SLC38A6: variants seen among roughly 807,000 people sequenced by gnomAD.
The protein encoded by SLC38A6 is solute carrier family 38 member 6.
Under a neutral mutation model 65.0 loss-of-function variants are expected in SLC38A6, and 73 were observed. The ratio of observed to expected loss-of-function variants is 1.12; its 90% confidence interval spans 0.93 to 1.37. The LOEUF is 1.37. Ranked by LOEUF, SLC38A6 falls within the 40% of genes most tolerant of loss-of-function variation. SLC38A6 has a pLI of 0.00. For missense variants in SLC38A6, 561 were observed against 531.1 expected (o/e 1.06, Z -0.55); for synonymous variants, 183 against 178.8 (o/e 1.02, Z -0.19).
chr14:61,035,548 A>G (rs1292053979), intron 6 of SLC38A6, among the ~76,000 whole-genome samples: 2 of 152,174 alleles, frequency 1.3e-5, no homozygotes, highest in Non-Finnish European at 2.9e-5. Flanking sequence ...GATTGCCACT[A>G]CATTTTTATT....
chr14:61,031,434 C>T (rs74057329), intron 6 of SLC38A6, among the ~76,000 whole-genome samples: 1 of 152,188 alleles, frequency 6.6e-6, no homozygotes, highest in African/African-American at 2.4e-5. Context: ...ACTTAGACAA[C>T]TGCAAATACA....
chr14:61,081,544 G>C (rs894586300), intron 16 of SLC38A6, among the ~76,000 whole-genome samples: 2 of 152,064 alleles, frequency 1.3e-5, no homozygotes, highest in African/African-American at 4.8e-5. Flanking sequence ...AATTAGCTAG[G>C]CGTAGTAGTG....
At chr14:60,987,186 C>G (rs1217861356) in intron 3 of SLC38A6, 1 of 217,558 alleles carries the variant, frequency 4.6e-6, no homozygotes, top group Non-Finnish European at 8.3e-6. Flanking sequence ...TTTTTTTTTT[C>G]AATACATACA....
intron 3 of SLC38A6, chr14:61,002,230 CA>C (rs776608993): frequency 1.2e-4 from 19 of 152,066 alleles, no homozygotes; most frequent in Non-Finnish European, 2.1e-4. Flanking sequence ...ATGCCACATT[CA>C]GTTGGCACAC....
chr14:61,008,305 T>G (rs2039301533), intron 3 of SLC38A6, among the ~76,000 whole-genome samples: 1 of 80,066 alleles, frequency 1.2e-5, no homozygotes, highest in Non-Finnish European at 2.8e-5. Context: ...ACTGACTTCT[T>G]TCTAACTTTG....
chr14:61,023,946 A>G (rs928030112), intron 5 of SLC38A6, among the ~76,000 whole-genome samples: 4 of 152,200 alleles, frequency 2.6e-5, no homozygotes, highest in Admixed American at 2.6e-4. Flanking sequence ...AACATTTATT[A>G]TAGGAAGAAA....
At chr14:60,983,766 G>A (rs2037252730) in intron 2 of SLC38A6, among the ~76,000 whole-genome samples, 3 of 152,228 alleles carry the variant, frequency 2.0e-5, no homozygotes, top group South Asian at 2.1e-4. Context: ...GACACCTTAA[G>A]CAAGACATAG....
intron 3 of SLC38A6, among the ~76,000 whole-genome samples, chr14:60,985,343 G>A (rs2037377097): frequency 6.6e-6 from 1 of 152,168 alleles, no homozygotes; most frequent in South Asian, 2.1e-4. Context: ...CAATATATTT[G>A]TGTATATACT....
intron 15 of SLC38A6, among the ~76,000 whole-genome samples, chr14:61,069,079 C>T (rs2043131941): frequency 6.6e-6 from 1 of 152,144 alleles, no homozygotes; most frequent in Admixed American, 6.5e-5. Context: ...GCAAAAATTA[C>T]CACATGCAGG....
At chr14:61,011,032 ATTTG>A (rs1440990675) in intron 3 of SLC38A6, among the ~76,000 whole-genome samples, 1 of 151,976 alleles carries the variant, frequency 6.6e-6, no homozygotes, top group African/African-American at 2.4e-5. Context: ...ATGTTCTTCC[ATTTG>A]TTTGTATCTT....
At chr14:60,988,311 G>A (rs2037605719) in intron 3 of SLC38A6, among the ~76,000 whole-genome samples, 1 of 151,916 alleles carries the variant, frequency 6.6e-6, no homozygotes, top group African/African-American at 2.4e-5. Context: ...TACCATCTAC[G>A]GCTCTCCTTA....
intron 16 of SLC38A6, among the ~76,000 whole-genome samples, chr14:61,080,882 T>C (rs1471925556): frequency 6.6e-6 from 1 of 152,186 alleles, no homozygotes; most frequent in African/African-American, 2.4e-5. Flanking sequence ...TTAAGGCTCA[T>C]TTACACATGA....
At chr14:61,081,888 A>G (rs1053286973) in intron 16 of SLC38A6, among the ~76,000 whole-genome samples, 14 of 152,258 alleles carry the variant, frequency 9.2e-5, no homozygotes, top group African/African-American at 3.4e-4. Flanking sequence ...TTCCAAGCTT[A>G]GGTTCTGAAC....
chr14:61,025,822 G>T (rs537905196), intron 5 of SLC38A6, among the ~76,000 whole-genome samples: 281 of 152,158 alleles, frequency 1.8e-3, no homozygotes, highest in Non-Finnish European at 3.2e-3. Flanking sequence ...TAGATATTTT[G>T]TGGGACCACC....
intron 3 of SLC38A6, among the ~76,000 whole-genome samples, chr14:60,989,476 C>T (rs1261475155): frequency 6.6e-6 from 1 of 152,130 alleles, no homozygotes; most frequent in Non-Finnish European, 1.5e-5. Flanking sequence ...GTAATCCTAG[C>T]ACTTCGGGAG....
chr14:61,009,325 G>A (rs1383055044), intron 3 of SLC38A6, among the ~76,000 whole-genome samples: 7 of 152,116 alleles, frequency 4.6e-5, no homozygotes, highest in Non-Finnish European at 1.0e-4. Context: ...ACATCAATCT[G>A]CATGTTGACA....
intron 3 of SLC38A6, among the ~76,000 whole-genome samples, chr14:60,997,647 T>A (rs1202389471): frequency 6.6e-6 from 1 of 152,054 alleles, no homozygotes; most frequent in Non-Finnish European, 1.5e-5. Flanking sequence ...AAAGTCAGAA[T>A]AAAATAGGGA....
At chr14:61,009,988 A>G (rs1160928465) in intron 3 of SLC38A6, among the ~76,000 whole-genome samples, 1 of 152,250 alleles carries the variant, frequency 6.6e-6, no homozygotes, top group Non-Finnish European at 1.5e-5. Flanking sequence ...ACTAGTTTAC[A>G]GTCCCACCAA....
chr14:61,043,339 G>T, intron 9 of SLC38A6, 111 bp from the exon 10 acceptor site: 1 of 1,088,420 alleles, frequency 9.2e-7, no homozygotes, highest in South Asian at 1.6e-5. Context: ...ACTTTGTTTT[G>T]AAATACTTTC....
Sources: gnomAD v4.1 joint callset for allele counts (sites outside exome capture counted in the v4.1 genomes callset) on GRCh38, gnomAD v4.1.1 for gene constraint, MANE v1.5 for transcripts, NCBI Gene and HGNC (gene_info 2026-07-23, HGNC 2026-07-21) for gene names.